Variants in NEK1 observed in about 807,000 individuals in gnomAD.
The protein encoded by NEK1 is serine/threonine-protein kinase Nek1.
In NEK1, 137 loss-of-function variants were observed where a neutral mutation model predicts 182.1. The observed-to-expected ratio is 0.75, with a 90% CI of 0.65 to 0.87. The LOEUF is 0.87. Ranked by LOEUF, NEK1 falls within the 40% of genes least tolerant of loss-of-function variation. The pLI is 0.00. For synonymous variants in NEK1, 513 were observed against 492.2 expected (o/e 1.04, Z -0.56); for missense variants, 1,391 against 1,494.4 (o/e 0.93, Z 1.14).
At chr4:169,552,417 T>C (rs528981547) in intron 18 of NEK1, among the ~76,000 whole-genome samples, 36 of 148,870 alleles carry the variant, frequency 2.4e-4, no homozygotes, top group Non-Finnish European at 4.3e-4. Context: ...TTTTAAAAAA[T>C]CTCAGAAAAC....
chr4:169,462,483 T>C lies in NEK1; in HGVS notation c.2587+760A>G, dbSNP rs1198567867. ...GCCTACTTTTGCCATTTCAGTAACA[T>C]GTGTATAGGTTCGTTTCACTGGCTA... On this transcript the variant is annotated intron_variant, in intron 27 of 35. Coordinates refer to ENST00000507142, the MANE Select transcript of NEK1 (RefSeq NM_001199397.3). 3.3e-5 allele frequency among the ~76,000 whole-genome samples: 5 copies of C among 152,260 alleles called. No homozygotes were observed. The East Asian group carries it at 7.7e-4, about 23-fold the overall frequency.
At chr4:169,596,339 A>T (rs1561481879) in intron 5 of NEK1, among the ~76,000 whole-genome samples, 2 of 152,178 alleles carry the variant, frequency 1.3e-5, no homozygotes, top group Non-Finnish European at 2.9e-5. Flanking sequence ...GCACCTAACT[A>T]TTTGGACCAA....
chr4:169,602,668 C>T lies in NEK1; in HGVS notation c.-38G>A, dbSNP rs775934605. The T allele has an allele frequency of 9.1e-6, 10 of 1,098,514 alleles. No individual in the cohort carries two copies. In the Admixed American group the frequency reaches 9.8e-5, roughly 11 times the overall value. 68.0% of individuals were successfully genotyped at this position (1,098,514 alleles called of 1,614,324 possible). A position where few individuals can be genotyped will look rare whatever the true frequency, so the allele number is the denominator to read the frequency against. ...AAGGCATCTTTACAGATATGCTAGA[C>T]ATTTAAAAAACTAACAAAAAAGATA... On this transcript the variant is annotated 5_prime_UTR_variant, in exon 3 of 36. It removes an upstream start codon present in the reference 5' UTR. Transcript: ENST00000507142.
At chr4:169,512,363 A>G (rs1412570149) in intron 19 of NEK1, among the ~76,000 whole-genome samples, 1 of 152,124 alleles carries the variant, frequency 6.6e-6, no homozygotes, top group Non-Finnish European at 1.5e-5. Flanking sequence ...GCATTTTCCA[A>G]ATGATTTGGG....
At chr4:169,477,373 T>A (rs1203744416) in intron 25 of NEK1, 21 bp from the exon 26 acceptor site, 1 of 1,551,338 alleles carries the variant, frequency 6.4e-7, no homozygotes, top group Non-Finnish European at 8.7e-7. Context: ...CGACATTATA[T>A]ATTTTAATAT....
At chr4:169,485,076 A>G (rs1473412367) in intron 23 of NEK1, among the ~76,000 whole-genome samples, 1 of 152,228 alleles carries the variant, frequency 6.6e-6, no homozygotes, top group Non-Finnish European at 1.5e-5. Context: ...CTTAACCATG[A>G]TCAGAAATTA....
rs775516158 is a variant in NEK1 at position 169,577,011 on chromosome 4, C to A, written c.937G>T (p.Ala313Ser). 2 of 1,613,368 alleles carry A rather than the reference C, an allele frequency of 1.2e-6. No homozygotes were observed. The highest frequency in any genetic ancestry group is 2.2e-5 in the South Asian group (2 of 91,074). ...TATGCTAAAGGTATTCCATATTTAG[C>A]GGCAGGCTTTGTAATTTTCTGAGCA... ...MPAQKITKPA[A>S]KYGIPLAYKK... is the part of the protein sequence containing the mutation. Residue 313 changes from alanine to serine, a missense_variant, in exon 12 of 36, where the codon GCT (alanine) becomes TCT (serine). By Grantham distance (99) the Ala-to-Ser change is moderately conservative. This residue lies in a region of NEK1 where 1,216 missense variants were observed against 1,277.6 expected (regional missense o/e 0.95). Coordinates refer to ENST00000507142, the MANE Select transcript of NEK1 (RefSeq NM_001199397.3).
intron 2 of NEK1, among the ~76,000 whole-genome samples, chr4:169,607,203 C>T (rs1446952158): frequency 6.6e-6 from 1 of 152,180 alleles, no homozygotes; most frequent in Non-Finnish European, 1.5e-5. Context: ...CAAAACAAAA[C>T]TAACAATTTT....
At chr4:169,557,898 T>A (rs947735456) in intron 16 of NEK1, among the ~76,000 whole-genome samples, 7 of 152,114 alleles carry the variant, frequency 4.6e-5, no homozygotes, top group Admixed American at 2.6e-4. Context: ...ACCACTGCAA[T>A]CTAGCTTGGG....
At chr4:169,398,300 G>GTT (rs531913100) in intron 35 of NEK1, among the ~76,000 whole-genome samples, 2 of 143,742 alleles carry the variant, frequency 1.4e-5, no homozygotes, top group African/African-American at 2.5e-5. Context: ...TAAGACTTGA[G>GTT]TTTTTTTTTT....
intron 23 of NEK1, among the ~76,000 whole-genome samples, chr4:169,491,628 A>C (rs1350339204): frequency 6.6e-6 from 1 of 152,164 alleles, no homozygotes; most frequent in Admixed American, 6.5e-5. Context: ...CTTCAACCAG[A>C]AACAAAAGAA....
chr4:169,584,822 TAC>T (rs1325844535), intron 10 of NEK1, among the ~76,000 whole-genome samples: 1 of 152,128 alleles, frequency 6.6e-6, no homozygotes, highest in Non-Finnish European at 1.5e-5. Flanking sequence ...TCAATGATTT[TAC>T]AGTTAGAAAT....
At chr4:169,587,682 C>G (rs1455208350) in intron 8 of NEK1, 69 bp from the exon 9 acceptor site, 4 of 964,974 alleles carry the variant, frequency 4.1e-6, no homozygotes, top group East Asian at 2.7e-5. Context: ...GAAACACAAA[C>G]AGCATAAAAG....
chr4:169,530,525 G>T (rs1183302229), intron 19 of NEK1, among the ~76,000 whole-genome samples: 2 of 152,110 alleles, frequency 1.3e-5, no homozygotes, highest in Non-Finnish European at 2.9e-5. Context: ...GCATGTTTAA[G>T]GTAGGCCAGG....
At chr4:169,589,310 T>A (rs1354256015) in intron 7 of NEK1, 137 bp downstream of exon 7, 2 of 652,276 alleles carry the variant, frequency 3.1e-6, no homozygotes, top group East Asian at 2.9e-5. Flanking sequence ...GATGCCTTTC[T>A]CAGAACATGT....
intron 2 of NEK1, among the ~76,000 whole-genome samples, chr4:169,610,215 T>G (rs1011629876): frequency 2.6e-5 from 4 of 152,170 alleles, no homozygotes; most frequent in Non-Finnish European, 5.9e-5. Context: ...CTGGCCAGGC[T>G]GGTCTCGAAC....
chr4:169,586,454 T>A (rs572561868), intron 9 of NEK1, among the ~76,000 whole-genome samples: 1 of 152,124 alleles, frequency 6.6e-6, no homozygotes, highest in South Asian at 2.1e-4. Context: ...CGTTTATCTC[T>A]CAATTGACAC....
chr4:169,406,637 T>C lies in NEK1; in HGVS notation c.3333A>G (p.Glu1111=), dbSNP rs1267325039. ...RQDNLEIDEI[E]DENIKEGPSD... ...AAGGTCCTTCTTTAATGTTTTCATC[T>C]TCAATTTCATCTATTTCAAGATTGT... The change falls in exon 32 of 36, where the codon GAA becomes GAG. Residue 1111 remains glutamate (E), a synonymous_variant. Transcript: ENST00000507142. 1.2e-6 allele frequency: 2 copies of C among 1,607,934 alleles called. No individual in the cohort carries two copies. Among genetic ancestry groups the C allele is most frequent in the Non-Finnish European group, 1.7e-6 (2 of 1,177,048 alleles).
At chr4:169,494,812 T>G (rs1010568957) in intron 23 of NEK1, among the ~76,000 whole-genome samples, 1 of 152,234 alleles carries the variant, frequency 6.6e-6, no homozygotes, top group African/African-American at 2.4e-5. Flanking sequence ...AGATGGTATC[T>G]CATTGTGGTT....
Sources: gnomAD v4.1 joint callset for allele counts (sites outside exome capture counted in the v4.1 genomes callset) on GRCh38, gnomAD v4.1.1 for gene constraint, gnomAD v4.1.1 regional missense constraint, MANE v1.5 for transcripts, NCBI Gene and HGNC (gene_info 2026-07-23, HGNC 2026-07-21) for gene names.